ZPBP: variants seen among roughly 807,000 people sequenced by gnomAD.
ZPBP encodes the protein zona pellucida binding protein, also known as zona pellucida-binding protein 1.
In ZPBP, 26 loss-of-function variants were observed where a neutral mutation model predicts 44.8. The observed-to-expected ratio is 0.58, with a 90% CI of 0.43 to 0.81. The LOEUF is 0.81. Ranked by LOEUF, ZPBP falls within the 30% of genes least tolerant of loss-of-function variation. The pLI is 0.00. For synonymous variants in ZPBP, 174 were observed against 153.2 expected (o/e 1.14, Z -1.00); for missense variants, 409 against 434.0 (o/e 0.94, Z 0.51).
At chr7:50,083,044 G>C (rs901599093) in intron 2 of ZPBP, among the ~76,000 whole-genome samples, 1 of 151,626 alleles carries the variant, frequency 6.6e-6, no homozygotes, top group Non-Finnish European at 1.5e-5. Context: ...TGATTTTATT[G>C]ATATAAATTC....
At chr7:50,027,250 T>C (rs1218598748) in intron 5 of ZPBP, among the ~76,000 whole-genome samples, 2 of 151,994 alleles carry the variant, frequency 1.3e-5, no homozygotes, top group Non-Finnish European at 1.5e-5. Context: ...TATTTAGCCA[T>C]CCTGGTGGTC....
At chr7:50,092,044 TAA>T (rs943349262) in intron 1 of ZPBP, among the ~76,000 whole-genome samples, 3 of 152,222 alleles carry the variant, frequency 2.0e-5, no homozygotes, top group Admixed American at 6.5e-5. Flanking sequence ...AAATGCTATA[TAA>T]GAGGCCTTCA....
At chr7:49,910,505 C>T (rs75577463) in intron 1 of ZPBP, among the ~76,000 whole-genome samples, 2,095 of 152,078 alleles carry the variant, frequency 0.014, 61 homozygotes, top group African/African-American at 0.048. Flanking sequence ...GCAGTAATTA[C>T]CAGTGTTTGA....
downstream of ZPBP, chr7:49,937,407 T>C (rs1794658042): frequency 5.1e-6 from 4 of 779,934 alleles, no homozygotes; most frequent in South Asian, 6.1e-5. Flanking sequence ...CAGTATTTGA[T>C]TAAAATGATG....
At chr7:50,017,054 C>T (rs182729465) in intron 6 of ZPBP, among the ~76,000 whole-genome samples, 5 of 151,936 alleles carry the variant, frequency 3.3e-5, no homozygotes, top group South Asian at 2.1e-4. Flanking sequence ...GGGGATGGTT[C>T]GAGGGTGACT....
At chr7:49,865,053 T>C (rs574637660) in intron 2 of ZPBP, among the ~76,000 whole-genome samples, 2 of 152,330 alleles carry the variant, frequency 1.3e-5, no homozygotes, top group East Asian at 1.9e-4. Flanking sequence ...AAAGATCTTA[T>C]TTTTTGTAAA....
chr7:50,056,961 A>G (rs907053476), intron 4 of ZPBP, among the ~76,000 whole-genome samples: 1 of 152,040 alleles, frequency 6.6e-6, no homozygotes, highest in African/African-American at 2.4e-5. Context: ...CAAGGTGGGC[A>G]GATCATGAGG....
intron 3 of ZPBP, among the ~76,000 whole-genome samples, chr7:50,076,085 G>A (rs535066264): frequency 3.0e-4 from 45 of 151,900 alleles, no homozygotes; most frequent in African/African-American, 1.0e-3. Flanking sequence ...CCTGTGATGC[G>A]AGGATGGTTC....
intron 4 of ZPBP, among the ~76,000 whole-genome samples, chr7:50,054,700 A>G (rs890174714): frequency 6.6e-6 from 1 of 152,134 alleles, no homozygotes; most frequent in Non-Finnish European, 1.5e-5. Context: ...AAAAGAAAAT[A>G]CCACTTGTAG....
At chr7:49,853,978 C>G (rs1248500499) in intron 2 of ZPBP, among the ~76,000 whole-genome samples, 4 of 151,016 alleles carry the variant, frequency 2.6e-5, no homozygotes, top group Middle Eastern at 3.4e-3. Flanking sequence ...GGTTTTCTGT[C>G]CCTGCGATAG....
intron 5 of ZPBP, among the ~76,000 whole-genome samples, chr7:50,018,707 C>T (rs2128805733): frequency 6.6e-6 from 1 of 152,034 alleles, no homozygotes; most frequent in South Asian, 2.1e-4. Flanking sequence ...AATTCTTAAT[C>T]TCTAGCTGCA....
intron 2 of ZPBP, among the ~76,000 whole-genome samples, chr7:49,852,472 G>A (rs1032353893): frequency 1.3e-5 from 2 of 152,214 alleles, no homozygotes; most frequent in Non-Finnish European, 2.9e-5. Flanking sequence ...GCCCTTTAGG[G>A]AGATAATTTC....
intron 1 of ZPBP, among the ~76,000 whole-genome samples, chr7:49,911,183 CTT>C (rs1793400045): frequency 6.6e-6 from 1 of 152,048 alleles, no homozygotes; most frequent in South Asian, 2.1e-4. Flanking sequence ...AGTGTTGTCT[CTT>C]ATAAAAATTT....
chr7:50,070,147 G>A (rs759503286), intron 3 of ZPBP, among the ~76,000 whole-genome samples: 2 of 152,070 alleles, frequency 1.3e-5, no homozygotes, highest in Non-Finnish European at 2.9e-5. Context: ...CTCATCCTGG[G>A]TAGGTTCACA....
In ZPBP at chr7:49,981,337, T is replaced by C. The variant is rs1338105875; in HGVS notation, c.961+2005A>G. On this transcript the variant is annotated intron_variant, in intron 7 of 7. Transcript: ENST00000046087. ...TATTATATAATATATATTATAATTA[T>C]ATATATTATATAATATATATTATAT... 1.6e-3 allele frequency among the ~76,000 whole-genome samples: 93 copies of C among 58,264 alleles called. 14 individuals are homozygous for C. Among genetic ancestry groups the C allele is most frequent in the Non-Finnish European group, 1.8e-3 (71 of 38,748 alleles). 38.2% of individuals were successfully genotyped at this position (58,264 alleles called of 152,430 possible).
intron 3 of ZPBP, among the ~76,000 whole-genome samples, chr7:50,071,816 C>G (rs901562963): frequency 1.3e-5 from 2 of 152,260 alleles, no homozygotes; most frequent in East Asian, 3.9e-4. Flanking sequence ...GTCCTGGCAG[C>G]ATTCATCATC....
chr7:49,879,262 T>C (rs1791574488), intron 2 of ZPBP, among the ~76,000 whole-genome samples: 1 of 152,234 alleles, frequency 6.6e-6, no homozygotes, highest in South Asian at 2.1e-4. Context: ...ATTGAAATTC[T>C]GTCAGATAAT....
chr7:49,912,482 A>G lies in ZPBP; in HGVS notation n.412-11267T>C, dbSNP rs950527096. 1.8e-5 allele frequency: 4 copies of G among 221,710 alleles called. No homozygotes were observed. In the South Asian group the frequency reaches 2.7e-4, roughly 15 times the overall value. 13.7% of individuals were successfully genotyped at this position (221,710 alleles called of 1,614,324 possible). ...AATGTATTTCTATAATCCCTCCATT[A>G]GAGAGCTTATATAAGTGTTTTCTAT... On this transcript the variant is annotated intron_variant and non_coding_transcript_variant, in intron 1 of 2. Transcript: ENST00000465922.
chr7:50,011,250 C>A (rs193024166), intron 6 of ZPBP, among the ~76,000 whole-genome samples: 1 of 152,222 alleles, frequency 6.6e-6, no homozygotes, highest in East Asian at 1.9e-4. Context: ...AGACCTGAAA[C>A]GATAAAAATT....
Sources: gnomAD v4.1 joint callset for allele counts (sites outside exome capture counted in the v4.1 genomes callset) on GRCh38, gnomAD v4.1.1 for gene constraint, MANE v1.5 for transcripts, NCBI Gene and HGNC (gene_info 2026-07-23, HGNC 2026-07-21) for gene names.